The following SLC6A16 variants were observed in gnomAD, a reference collection of about 807,000 sequenced individuals.
The protein encoded by SLC6A16 is solute carrier family 6 member 16.
SLC6A16 carries 54 observed loss-of-function variants against 65.4 expected under a neutral mutation model. The observed-to-expected ratio is 0.83, with a 90% confidence interval of 0.66 to 1.04. SLC6A16 has a LOEUF of 1.04. SLC6A16 is among the 50% of genes least tolerant of loss of function. The probability of loss-of-function intolerance (pLI) is 0.00; values close to 1 mark genes in which losing one functional copy is unlikely to be tolerated. For synonymous variants in SLC6A16, 330 were observed against 346.5 expected (o/e 0.95, Z 0.53); for missense variants, 816 against 914.0 (o/e 0.89, Z 1.38).
At chr19:49,303,680 GAA>G (rs2146104656) in intron 7 of SLC6A16, among the ~76,000 whole-genome samples, 1 of 124,678 alleles carries the variant, frequency 8.0e-6, no homozygotes, top group Admixed American at 8.6e-5. Flanking sequence ...AAAGAAAAAA[GAA>G]AAAAAGCCAC....
intron 9 of SLC6A16, 95 bp downstream of exon 9, chr19:49,293,732 C>A: frequency 1.8e-6 from 2 of 1,123,220 alleles, no homozygotes; most frequent in Non-Finnish European, 2.7e-6. Flanking sequence ...CCACTGCACT[C>A]CAGCCTGGGC....
Position 49,299,241 on chromosome 19 carries a change from G to A in SLC6A16, c.1230-4688C>T, listed in dbSNP as rs141922317. ...AGCCTGGGCAACAGAGCGAGACTCC[G>A]TCTCAAAAAAAAAAAAAAAGAAAGC... On this transcript the variant is annotated intron_variant, in intron 7 of 11. Transcript: ENST00000335875. Among the ~76,000 whole-genome samples the A allele has an allele frequency of 4.9e-3, 693 of 142,494 alleles. 4 individuals carry two copies. The highest frequency in any genetic ancestry group is 0.017 in the African/African-American group (638 of 38,370). The allele number at this position is 142,494 out of a possible 152,430, so 93.5% of individuals were successfully genotyped here. A position where few individuals can be genotyped will look rare whatever the true frequency, so the allele number is the denominator to read the frequency against.
At chr19:49,328,059 T>C (rs1970815839), upstream of SLC6A16, among the ~76,000 whole-genome samples, 1 of 152,220 alleles carries the variant, frequency 6.6e-6, no homozygotes, top group Non-Finnish European at 1.5e-5. Flanking sequence ...GGAGTGACTT[T>C]CATTTTAATG....
At chr19:49,338,862 C>G in the SLC6A16 span, 1 of 1,614,054 alleles carries the variant, frequency 6.2e-7, no homozygotes, top group African/African-American at 1.3e-5. The surrounding 1 kb of genome is among the most constrained non-coding windows in gnomAD (Gnocchi z 5.0). Context: ...GCTCAGCAGG[C>G]TTGGACACCT....
At chr19:49,333,192 C>T in the SLC6A16 span, among the ~76,000 whole-genome samples, 1 of 150,888 alleles carries the variant, frequency 6.6e-6, no homozygotes, top group African/African-American at 2.4e-5. Flanking sequence ...ACAACAAAAA[C>T]CTGGGTGTGG....
chr19:49,316,143 A>G (rs1970610106), intron 1 of SLC6A16, among the ~76,000 whole-genome samples: 1 of 152,208 alleles, frequency 6.6e-6, no homozygotes, highest in African/African-American at 2.4e-5. Flanking sequence ...ATACATAATT[A>G]GAAAATAAAA....
chr19:49,339,636 T>C, the SLC6A16 span: 28 of 1,430,090 alleles, frequency 2.0e-5, 1 homozygote, highest in South Asian at 3.0e-4. The surrounding 1 kb of genome is among the most constrained non-coding windows in gnomAD (Gnocchi z 4.5). Context: ...TTGGCTGCGA[T>C]CTCCCTCCCC....
the SLC6A16 span, chr19:49,331,685 G>C: frequency 2.2e-6 from 1 of 446,550 alleles, no homozygotes; most frequent in South Asian, 1.6e-5. Context: ...TGAGTGAAGG[G>C]AGAAAGAGTA....
chr19:49,329,588 G>A (rs900396924), upstream of SLC6A16, among the ~76,000 whole-genome samples: 6 of 150,496 alleles, frequency 4.0e-5, no homozygotes, highest in African/African-American at 1.5e-4. Flanking sequence ...TTTGATAGTA[G>A]GATACTAGCC....
At position 49,294,976 on chromosome 19, in the gene SLC6A16, G is replaced by A. The variant is rs375816597; in HGVS notation, c.1230-423C>T. Among the ~76,000 whole-genome samples the A allele has an allele frequency of 3.0e-4, 45 of 152,108 alleles. No individual in the cohort carries two copies. In the South Asian group the frequency reaches 5.6e-3, roughly 19 times the overall value. On this transcript the variant is annotated intron_variant, in intron 7 of 11. Transcript: ENST00000335875. ...GCTGTGTGGCAGCAACTGCTTGTTC[G>A]ACTTTTTGATGTGAGCCCTGCTGAC...
the SLC6A16 span, chr19:49,339,679 G>C: frequency 1.0e-4 from 145 of 1,422,346 alleles, no homozygotes; most frequent in Non-Finnish European, 1.2e-4. This position sits in a 1 kb window ranked among gnomAD's most constrained non-coding sequence, Gnocchi z 4.5. Context: ...GGTGCTGAGC[G>C]TACAGCTACA....
intron 7 of SLC6A16, 141 bp from the exon 8 acceptor site, chr19:49,294,694 A>T: frequency 1.3e-6 from 1 of 749,010 alleles, no homozygotes; most frequent in Non-Finnish European, 2.1e-6. Flanking sequence ...GATGAATCCT[A>T]GAAGGCACCC....
chr19:49,317,816 A>C (rs1970641035), intron 1 of SLC6A16, among the ~76,000 whole-genome samples: 1 of 152,214 alleles, frequency 6.6e-6, no homozygotes. Flanking sequence ...AAAAAAAAAA[A>C]ACTGTACAAA....
intron 7 of SLC6A16, among the ~76,000 whole-genome samples, chr19:49,302,050 G>A (rs1402086225): frequency 1.3e-5 from 2 of 152,200 alleles, no homozygotes; most frequent in African/African-American, 4.8e-5. Flanking sequence ...TGACCTCTGT[G>A]GCCAGACTGC....
At chr19:49,330,491 A>G in the SLC6A16 span, among the ~76,000 whole-genome samples, 2 of 152,236 alleles carry the variant, frequency 1.3e-5, no homozygotes, top group Non-Finnish European at 2.9e-5. Context: ...AAAAAGGACG[A>G]TCCAATGAAG....
At chr19:49,315,707 T>C (rs1397669866) in intron 1 of SLC6A16, among the ~76,000 whole-genome samples, 1 of 151,966 alleles carries the variant, frequency 6.6e-6, no homozygotes, top group Non-Finnish European at 1.5e-5. Flanking sequence ...TCAAGAGATA[T>C]AGGAAAAACA....
rs1970430914 is a variant in SLC6A16 at position 49,308,121 on chromosome 19, T to C, written c.1229+755A>G. Among the ~76,000 whole-genome samples, 5 of 151,838 alleles carry C rather than the reference T, an allele frequency of 3.3e-5. No individual in the cohort carries two copies. The South Asian group carries it at 1.0e-3, about 32-fold the overall frequency. ...CAGAGAATCCTTTTGGAGTTTCTGC[T>C]AGATTGACAGAAATCCCCAATTCAG... On this transcript the variant is annotated intron_variant, in intron 7 of 11. Transcript: ENST00000335875.
rs1192350942 is a variant in SLC6A16 at position 49,310,079 on chromosome 19, A to G, written c.661T>C (p.Trp221Arg). Residue 221 changes from tryptophan (W) to arginine (R), a missense_variant, in exon 4 of 12, where the codon TGG (tryptophan) becomes CGG (arginine). By Grantham distance (101) the Trp-to-Arg change is moderately radical. Coordinates refer to ENST00000335875, the MANE Select transcript of SLC6A16 (RefSeq NM_014037.3). ...MSQSFQFPVP[W>R]EKCPLTMNSS... Reference sequence around the variant, plus strand: ...TTCATCGTTAAGGGACATTTCTCCCATGGAACGGGAAACTGGAAGGACTGG... The same window carrying G: ...TTCATCGTTAAGGGACATTTCTCCCGTGGAACGGGAAACTGGAAGGACTGG... The G allele has an allele frequency of 3.1e-6, 5 of 1,613,916 alleles. No homozygotes were observed. Among genetic ancestry groups the G allele is most frequent in the Non-Finnish European group, 4.2e-6 (5 of 1,180,030 alleles).
intron 7 of SLC6A16, among the ~76,000 whole-genome samples, chr19:49,306,812 G>C (rs764689992): frequency 6.6e-6 from 1 of 151,878 alleles, no homozygotes; most frequent in East Asian, 1.9e-4. Context: ...AAAGTGCTGG[G>C]ATTATAGGCA....
Sources: allele counts gnomAD v4.1 joint callset (sites outside exome capture counted in the v4.1 genomes callset), GRCh38; gene constraint gnomAD v4.1.1; non-coding constraint Gnocchi (gnomAD v3.1); transcripts MANE v1.5; gene names NCBI Gene and HGNC (gene_info 2026-07-23, HGNC 2026-07-21).